KALRN: variants seen among roughly 807,000 people sequenced by gnomAD.
KALRN encodes kalirin RhoGEF kinase.
KALRN carries 70 observed loss-of-function variants against 353.7 expected under a neutral mutation model. That is an observed-to-expected ratio of 0.20 (90% CI 0.16 to 0.24). KALRN has a LOEUF of 0.24. Ranked by LOEUF, KALRN falls within the 10% of genes least tolerant of loss-of-function variation. KALRN has a pLI of 1.00. For missense variants in KALRN, 2,791 were observed against 3,756.7 expected (o/e 0.74, Z 6.72); for synonymous variants, 1,391 against 1,434.8 (o/e 0.97, Z 0.69).
chr3:124,448,300 C>T (rs1279484614), intron 21 of KALRN, among the ~76,000 whole-genome samples: 1 of 152,116 alleles, frequency 6.6e-6, no homozygotes, highest in African/African-American at 2.4e-5. Flanking sequence ...TTCCTTCCTT[C>T]CAATCCACCC....
At chr3:124,277,171 C>T (rs1254683797) in intron 5 of KALRN, among the ~76,000 whole-genome samples, 1 of 152,218 alleles carries the variant, frequency 6.6e-6, no homozygotes, top group African/African-American at 2.4e-5. Flanking sequence ...AGGGGCGTGT[C>T]ATGTCTCTGT....
At chr3:124,122,604 T>C (rs2064155198) in intron 1 of KALRN, among the ~76,000 whole-genome samples, 1 of 152,206 alleles carries the variant, frequency 6.6e-6, no homozygotes, top group South Asian at 2.1e-4. Context: ...ATATCTATTA[T>C]GGTTATCTGT....
intron 33 of KALRN, among the ~76,000 whole-genome samples, chr3:124,556,080 A>G (rs189275775): frequency 1.3e-5 from 2 of 152,292 alleles, no homozygotes; most frequent in South Asian, 2.1e-4. Context: ...ATACATGGGT[A>G]AAACCTGCAC....
chr3:124,368,844 G>C (rs2085401306), intron 10 of KALRN, among the ~76,000 whole-genome samples: 1 of 152,332 alleles, frequency 6.6e-6, no homozygotes, highest in African/African-American at 2.4e-5. Flanking sequence ...CGGATCACTC[G>C]CGGTTAGGGG....
intron 33 of KALRN, among the ~76,000 whole-genome samples, chr3:124,512,551 T>G (rs1255076043): frequency 1.3e-5 from 2 of 152,088 alleles, no homozygotes; most frequent in African/African-American, 4.8e-5. Context: ...CTCAGGAGGC[T>G]GAGGCAGTAG....
chr3:124,120,711 AATATAT>A lies in KALRN; in HGVS notation c.73+86927_73+86932del, dbSNP rs368470724. On this transcript the variant is annotated intron_variant, in intron 1 of 59. Coordinates refer to ENST00000682506, the MANE Select transcript of KALRN (RefSeq NM_001388419.1). ...TTACAATCCAGATAGGAATACTAAA[AATATAT>A]ATATATATATATATATATATATATA... 3.4e-3 allele frequency among the ~76,000 whole-genome samples: 337 copies of A among 98,938 alleles called. 2 individuals carry two copies. The highest frequency in any genetic ancestry group is 9.7e-3 in the African/African-American group (227 of 23,504). The allele number at this position is 98,938 out of a possible 152,430, so 64.9% of individuals were successfully genotyped here. A position where few individuals can be genotyped will look rare whatever the true frequency, so the allele number is the denominator to read the frequency against.
chr3:124,330,229 T>TTCTC (rs369909557), intron 8 of KALRN, among the ~76,000 whole-genome samples: 166 of 135,112 alleles, frequency 1.2e-3, no homozygotes, highest in African/African-American at 3.7e-3. Flanking sequence ...CTCGCATTCA[T>TTCTC]TCTCTCTCTC....
At chr3:124,068,014 A>G (rs2042520312) in intron 1 of KALRN, among the ~76,000 whole-genome samples, 1 of 152,240 alleles carries the variant, frequency 6.6e-6, no homozygotes, top group Non-Finnish European at 1.5e-5. Context: ...AGGTCAAACC[A>G]TGGGTCTGAT....
At chr3:124,277,994 C>CTGTGTGTGTGTGTGTG (rs1437193234) in intron 5 of KALRN, among the ~76,000 whole-genome samples, 1 of 75,538 alleles carries the variant, frequency 1.3e-5, no homozygotes, top group Non-Finnish European at 2.9e-5. Context: ...CAGAGATGAA[C>CTGTGTGTGTGTGTGTG]TATGTGTGTG....
At chr3:124,208,988 A>G (rs2076668089) in intron 1 of KALRN, among the ~76,000 whole-genome samples, 1 of 151,412 alleles carries the variant, frequency 6.6e-6, no homozygotes, top group Non-Finnish European at 1.5e-5. Flanking sequence ...AATAATAATC[A>G]TCATCATCAT....
intron 34 of KALRN, among the ~76,000 whole-genome samples, chr3:124,616,393 G>A (rs1470370583): frequency 6.6e-6 from 1 of 152,118 alleles, no homozygotes. Flanking sequence ...AAAATAACTC[G>A]GCTAGACTGC....
chr3:124,450,563 CT>C (rs756571468), intron 21 of KALRN, among the ~76,000 whole-genome samples: 3,574 of 137,914 alleles, frequency 0.026, 116 homozygotes, highest in African/African-American at 0.08. Flanking sequence ...TTCTGAGACT[CT>C]TTTTTTTTTT....
chr3:124,695,654 C>G (rs2062019032), intron 53 of KALRN, among the ~76,000 whole-genome samples: 1 of 151,962 alleles, frequency 6.6e-6, no homozygotes, highest in Admixed American at 6.6e-5. Context: ...GGAATTTACT[C>G]TTTCTTAGAA....
chr3:124,154,889 C>T (rs948468850), intron 1 of KALRN, among the ~76,000 whole-genome samples: 3 of 152,168 alleles, frequency 2.0e-5, no homozygotes, highest in Non-Finnish European at 4.4e-5. Context: ...ACCAAAACAG[C>T]ATGGTACTGG....
At chr3:124,196,093 C>A (rs577285191) in intron 1 of KALRN, among the ~76,000 whole-genome samples, 1 of 152,122 alleles carries the variant, frequency 6.6e-6, no homozygotes, top group Non-Finnish European at 1.5e-5. Flanking sequence ...CCTAGAATTG[C>A]CCCTCAGTGA....
At chr3:124,361,810 G>T (rs1479782688) in intron 10 of KALRN, among the ~76,000 whole-genome samples, 1 of 150,240 alleles carries the variant, frequency 6.7e-6, no homozygotes, top group Admixed American at 6.6e-5. Flanking sequence ...GGCAGCAGTG[G>T]GGGTGGGGAG....
chr3:124,447,630 A>G (rs1185077121), intron 21 of KALRN, among the ~76,000 whole-genome samples: 1 of 152,208 alleles, frequency 6.6e-6, no homozygotes, highest in Non-Finnish European at 1.5e-5. Context: ...CACACAAAAC[A>G]TATGCTCTTC....
At chr3:124,524,419 A>G (rs1357022199) in intron 33 of KALRN, among the ~76,000 whole-genome samples, 1 of 152,212 alleles carries the variant, frequency 6.6e-6, no homozygotes, top group Admixed American at 6.5e-5. Context: ...TAGACATTCC[A>G]TGTGTGGACC....
At position 124,561,941 on chromosome 3, in the gene KALRN, C is replaced by A. The variant is rs188903394; in HGVS notation, c.4936-902C>A. 3.4e-3 allele frequency among the ~76,000 whole-genome samples: 520 copies of A among 152,290 alleles called. 6 individuals are homozygous for A. Among genetic ancestry groups the A allele is most frequent in the African/African-American group, 0.012 (494 of 41,554 alleles). Reference sequence around the variant, plus strand: ...CCAGAAGAAAGGGGGGAAGTGGGGCCAAATCCCCAAGGTGAAAAAGTGAGA... The same window carrying A: ...CCAGAAGAAAGGGGGGAAGTGGGGCAAAATCCCCAAGGTGAAAAAGTGAGA... On this transcript the variant is annotated intron_variant, in intron 33 of 59. Transcript: ENST00000682506.
Sources: allele counts gnomAD v4.1 joint callset (sites outside exome capture counted in the v4.1 genomes callset), GRCh38; gene constraint gnomAD v4.1.1; transcripts MANE v1.5; gene names NCBI Gene and HGNC (gene_info 2026-07-23, HGNC 2026-07-21).